SPATA3: variants seen among roughly 807,000 people sequenced by gnomAD.
The protein encoded by SPATA3 is spermatogenesis-associated protein 3.
Under a neutral mutation model 5.7 loss-of-function variants are expected in SPATA3, and 6 were observed. The ratio of observed to expected loss-of-function variants is 1.06; its 90% CI spans 0.58 to 2.09. The LOEUF is 2.09. Among genes scored for constraint, SPATA3 ranks in the 30% most tolerant of loss-of-function variants. The probability of loss-of-function intolerance (pLI) is 0.00; values close to 1 mark genes in which losing one functional copy is unlikely to be tolerated. For missense variants in SPATA3, 155 were observed against 130.4 expected, an observed-to-expected ratio of 1.19 and a Z score of -0.92; for synonymous variants, 44 against 48.4, an observed-to-expected ratio of 0.91 and a Z score of 0.37.
At chr2:230,997,984 G>T (rs1222108635) in intron 1 of SPATA3, among the ~76,000 whole-genome samples, 1 of 152,188 alleles carries the variant, frequency 6.6e-6, no homozygotes, top group East Asian at 1.9e-4. Context: ...GACGCTGGTA[G>T]CCCTGAGAAG....
exon 6 of SPATA3, chr2:231,013,894 G>A (rs1692859070): frequency 6.6e-6 from 1 of 150,728 alleles, no homozygotes; most frequent in Non-Finnish European, 1.5e-5. Context: ...TGTCACCCAG[G>A]TTGGAGTGCA....
intron 2 of SPATA3, among the ~76,000 whole-genome samples, chr2:231,001,400 A>G (rs1314400881): frequency 6.6e-6 from 1 of 150,904 alleles, no homozygotes; most frequent in Non-Finnish European, 1.5e-5. Context: ...AGGCCCCCCA[A>G]CCCCCATCCT....
downstream of SPATA3, among the ~76,000 whole-genome samples, chr2:231,011,072 CAAAAAAAAAAAAA>C (rs556496371): frequency 1.3e-5 from 1 of 79,870 alleles, no homozygotes; most frequent in Non-Finnish European, 2.2e-5. Flanking sequence ...GACCCTGTCT[CAAAAAAAAAAAAA>C]AAAAGAAAAG....
chr2:231,016,475 G>C (rs7422788), intron 6 of SPATA3, among the ~76,000 whole-genome samples: 55,462 of 144,418 alleles, frequency 0.38, 11,351 homozygotes, highest in African/African-American at 0.51. Context: ...ATCGAGATCA[G>C]CCTGGTCAAC....
chr2:231,002,645 C>G (rs774460066), intron 2 of SPATA3, 39 bp from the exon 3 acceptor site: 31 of 1,346,910 alleles, frequency 2.3e-5, no homozygotes, highest in Non-Finnish European at 3.1e-5. Flanking sequence ...GCACTGAAGC[C>G]CAGCTTCCCA....
At chr2:231,011,307 G>A (rs1014573481), downstream of SPATA3, among the ~76,000 whole-genome samples, 4 of 152,022 alleles carry the variant, frequency 2.6e-5, no homozygotes, top group African/African-American at 9.7e-5. Flanking sequence ...TAGAGACGGG[G>A]TTTCACCATT....
chr2:230,997,042 ATGTC>A (rs778698691), intron 1 of SPATA3, among the ~76,000 whole-genome samples: 1 of 152,032 alleles, frequency 6.6e-6, no homozygotes, highest in Non-Finnish European at 1.5e-5. Flanking sequence ...GAATTGGAGG[ATGTC>A]TGTCTGTCAA....
At position 230,996,171 on chromosome 2, in the gene SPATA3, A is replaced by G. The variant is rs1692108768; in HGVS notation, c.791-4195A>G. The stretch of plus-strand genomic sequence containing the variant: ...AGGGCAGAGGGCAAACGGCCCCTCC[A>G]GGAGGGAGCCGGGAGATTACGCAGC... On this transcript the variant is annotated intron_variant, in intron 1 of 2. Transcript: ENST00000645363. The G allele has an allele frequency of 3.4e-6, 5 of 1,480,174 alleles. No individual in the cohort carries two copies. In the South Asian group the frequency reaches 4.0e-5, roughly 12 times the overall value. 91.7% of individuals were successfully genotyped at this position (1,480,174 alleles called of 1,614,324 possible).
chr2:231,002,446 A>G (rs1217699887), intron 2 of SPATA3, among the ~76,000 whole-genome samples: 1 of 152,036 alleles, frequency 6.6e-6, no homozygotes, highest in African/African-American at 2.4e-5. Context: ...TCCCCTTCTG[A>G]GTGTTCAGGG....
At chr2:231,018,225 T>G (rs1253334727) in intron 6 of SPATA3, among the ~76,000 whole-genome samples, 1 of 152,168 alleles carries the variant, frequency 6.6e-6, no homozygotes, top group Non-Finnish European at 1.5e-5. Flanking sequence ...GCACCCATCA[T>G]GACGGAGAAA....
chr2:231,007,259 A>G (rs1306960743), downstream of SPATA3: 1 of 152,022 alleles, frequency 6.6e-6, no homozygotes, highest in Non-Finnish European at 1.5e-5. Flanking sequence ...TTGTCACCAA[A>G]ATTTAAAAAA....
At chr2:230,997,253 A>G (rs1390178066) in intron 1 of SPATA3, among the ~76,000 whole-genome samples, 2 of 152,158 alleles carry the variant, frequency 1.3e-5, no homozygotes, top group Admixed American at 6.5e-5. Context: ...CATGAGATCT[A>G]ATGGTTTTAA....
downstream of SPATA3, among the ~76,000 whole-genome samples, chr2:231,011,381 C>T (rs1426877016): frequency 1.3e-5 from 2 of 152,188 alleles, no homozygotes; most frequent in African/African-American, 4.8e-5. Context: ...TCCCAAAGTA[C>T]TGGGAGCCTC....
At position 231,002,674 on chromosome 2, in the gene SPATA3, T is replaced by C; in HGVS notation, c.963-10T>C. On this transcript the variant is annotated splice_polypyrimidine_tract_variant and intron_variant, in intron 2 of 2. Coordinates refer to ENST00000645363, the Ensembl canonical transcript of SPATA3. The stretch of plus-strand genomic sequence containing the variant: ...CTTCCCACCACCCCCACTTCTGCTT[T>C]GCTCTACAGAAAATCTTCAAGAAAA... 1 of 1,485,478 alleles carries C rather than the reference T, an allele frequency of 6.7e-7. No individual in the cohort carries two copies. The highest frequency in any genetic ancestry group is 2.3e-5 in the Admixed American group (1 of 43,308). 92.0% of individuals were successfully genotyped at this position (1,485,478 alleles called of 1,614,324 possible).
At chr2:231,005,125 C>T (rs1692511742), downstream of SPATA3, among the ~76,000 whole-genome samples, 1 of 83,842 alleles carries the variant, frequency 1.2e-5, no homozygotes, top group Non-Finnish European at 2.7e-5. Context: ...TCACCACCAC[C>T]ATCATCATCA....
chr2:230,996,212 G>T lies in SPATA3; in HGVS notation c.791-4154G>T, dbSNP rs61741617. The stretch of plus-strand genomic sequence containing the variant: ...ATTACGCAGCTCCATGTAGGTCCAC[G>T]TTTAGGTTGGGAGGATCTACCATGA... On this transcript the variant is annotated intron_variant, in intron 1 of 2. Coordinates refer to ENST00000645363, the Ensembl canonical transcript of SPATA3. The T allele has an allele frequency of 4.6e-4, 710 of 1,542,824 alleles. 2 individuals are homozygous for T. In the African/African-American group the frequency reaches 8.0e-3, roughly 17 times the overall value.
chr2:231,007,668 C>T (rs13387608), downstream of SPATA3, among the ~76,000 whole-genome samples: 54,524 of 152,130 alleles, frequency 0.36, 9,984 homozygotes, highest in South Asian at 0.46. Flanking sequence ...TCTCTAGAAA[C>T]AGCTTCTTTT....
At chr2:231,008,805 A>C (rs1258333173), downstream of SPATA3, among the ~76,000 whole-genome samples, 5 of 152,258 alleles carry the variant, frequency 3.3e-5, no homozygotes, top group Non-Finnish European at 5.9e-5. Context: ...TATAAAAGTC[A>C]GGAGAGAGTT....
intron 6 of SPATA3, among the ~76,000 whole-genome samples, chr2:231,019,188 C>G (rs188253259): frequency 3.3e-5 from 5 of 151,158 alleles, no homozygotes; most frequent in Admixed American, 3.3e-4. Flanking sequence ...CCAGGATGGT[C>G]TCGATCTCCC....
Sources: gnomAD v4.1 joint callset for allele counts (sites outside exome capture counted in the v4.1 genomes callset) on GRCh38, gnomAD v4.1.1 for gene constraint, MANE v1.5 for transcripts, NCBI Gene and HGNC (gene_info 2026-07-23, HGNC 2026-07-21) for gene names.